The following RRAS2 variants were observed in gnomAD, a reference collection of about 807,000 sequenced individuals.
RRAS2 encodes the protein ras-related protein R-Ras2.
A neutral mutation model predicts 27.6 loss-of-function variants in RRAS2; 7 were observed. That is an observed-to-expected ratio of 0.25 (90% CI 0.14 to 0.48). The LOEUF is 0.48. Ranked by LOEUF, RRAS2 falls within the 20% of genes least tolerant of loss-of-function variation. RRAS2 has a pLI of 0.99. For missense variants in RRAS2, 178 were observed against 256.2 expected, an observed-to-expected ratio of 0.69 and a Z score of 2.08; for synonymous variants, 86 against 90.9, an observed-to-expected ratio of 0.95 and a Z score of 0.31.
At chr11:14,330,663 T>G (rs903663088) in intron 1 of RRAS2, among the ~76,000 whole-genome samples, 1 of 149,954 alleles carries the variant, frequency 6.7e-6, no homozygotes, top group Non-Finnish European at 1.5e-5. Context: ...TAAAAAAAAT[T>G]TTTTTTTCAG....
At chr11:14,283,652 A>G (rs1564952837) in intron 4 of RRAS2, among the ~76,000 whole-genome samples, 1 of 152,124 alleles carries the variant, frequency 6.6e-6, no homozygotes, top group African/African-American at 2.4e-5. Flanking sequence ...GTGCCTTTCA[A>G]GTAATATGTC....
At chr11:14,336,722 C>G (rs1267662895) in intron 1 of RRAS2, among the ~76,000 whole-genome samples, 1 of 152,100 alleles carries the variant, frequency 6.6e-6, no homozygotes, top group African/African-American at 2.4e-5. Flanking sequence ...AAGCAATGAA[C>G]AGAGCCTCAA....
At chr11:14,294,392 T>C (rs1847492257) in intron 4 of RRAS2, 79 bp downstream of exon 4, 4 of 996,496 alleles carry the variant, frequency 4.0e-6, no homozygotes, top group South Asian at 1.8e-5. Flanking sequence ...TACTAGACTT[T>C]CAATTATTTC....
intron 1 of RRAS2, among the ~76,000 whole-genome samples, chr11:14,350,009 T>C (rs1554954546): frequency 6.6e-6 from 1 of 152,212 alleles, no homozygotes; most frequent in African/African-American, 2.4e-5. Context: ...CCATTCCCTC[T>C]ATCCTTTCCA....
chr11:14,303,065 CA>C (rs1297534219), intron 1 of RRAS2, among the ~76,000 whole-genome samples: 7 of 152,138 alleles, frequency 4.6e-5, no homozygotes, highest in Admixed American at 4.6e-4. Flanking sequence ...TGATAAAGCC[CA>C]AATCACATCT....
At chr11:14,343,670 A>G (rs1402598833) in intron 1 of RRAS2, among the ~76,000 whole-genome samples, 9 of 151,368 alleles carry the variant, frequency 5.9e-5, no homozygotes, top group Non-Finnish European at 1.2e-4. Flanking sequence ...GTCTCTACCA[A>G]AAAAAATACA....
intron 1 of RRAS2, among the ~76,000 whole-genome samples, chr11:14,345,364 T>C (rs12280417): frequency 0.011 from 1,681 of 152,282 alleles, 32 homozygotes; most frequent in African/African-American, 0.037. Flanking sequence ...GTATTCCTAG[T>C]CTACGATTCT....
intron 1 of RRAS2, among the ~76,000 whole-genome samples, chr11:14,332,623 T>C (rs527560591): frequency 6.8e-4 from 104 of 152,178 alleles, no homozygotes; most frequent in Non-Finnish European, 1.3e-3. Flanking sequence ...ATACTGTATA[T>C]TTCTATTATA....
chr11:14,345,579 T>C (rs1323977887), intron 1 of RRAS2, among the ~76,000 whole-genome samples: 1 of 152,216 alleles, frequency 6.6e-6, no homozygotes, highest in African/African-American at 2.4e-5. Flanking sequence ...GGGATCGTTT[T>C]CTAATCCATA....
intron 1 of RRAS2, among the ~76,000 whole-genome samples, chr11:14,325,599 T>C (rs959496925): frequency 4.0e-4 from 61 of 152,294 alleles, no homozygotes; most frequent in African/African-American, 1.4e-3. Context: ...GTGCCCGGCT[T>C]CCTTTCAATA....
chr11:14,340,921 T>C (rs1323850682), intron 1 of RRAS2, among the ~76,000 whole-genome samples: 1 of 152,230 alleles, frequency 6.6e-6, no homozygotes, highest in African/African-American at 2.4e-5. Flanking sequence ...TACTTTCACA[T>C]TCTTGTTCCA....
intron 1 of RRAS2, among the ~76,000 whole-genome samples, chr11:14,299,831 C>T (rs1847650210): frequency 6.6e-6 from 1 of 152,122 alleles, no homozygotes; most frequent in South Asian, 2.1e-4. Flanking sequence ...AAAAAACAAA[C>T]AGCATGAAGT....
chr11:14,287,956 G>T (rs895873934), intron 4 of RRAS2, among the ~76,000 whole-genome samples: 5 of 152,072 alleles, frequency 3.3e-5, no homozygotes, highest in African/African-American at 1.2e-4. Context: ...CTGCTGCTAG[G>T]GTTATGTGCT....
At chr11:14,327,256 G>C (rs1350517303) in intron 1 of RRAS2, among the ~76,000 whole-genome samples, 2 of 152,122 alleles carry the variant, frequency 1.3e-5, no homozygotes, top group African/African-American at 4.8e-5. Flanking sequence ...AAATACCACT[G>C]AGTGTACTCA....
At chr11:14,301,340 C>T (rs1847698089) in intron 1 of RRAS2, among the ~76,000 whole-genome samples, 1 of 152,178 alleles carries the variant, frequency 6.6e-6, no homozygotes, top group Non-Finnish European at 1.5e-5. Context: ...GCTTTCACCT[C>T]ATTCTACTCA....
rs564344180 is a variant in RRAS2 at position 14,328,409 on chromosome 11, C to T, written c.108+30354G>A. On this transcript the variant is annotated intron_variant, in intron 1 of 5. Coordinates refer to ENST00000256196, the MANE Select transcript of RRAS2 (RefSeq NM_012250.6). ...AAAAGAGTGAGAAAAAATAATGTAG[C>T]AAATTTAGTCAAGCCAGGAAGACAC... 1.9e-3 allele frequency among the ~76,000 whole-genome samples: 274 copies of T among 143,550 alleles called. 1 individual carries two copies. Among genetic ancestry groups the T allele is most frequent in the Non-Finnish European group, 2.7e-3 (180 of 65,624 alleles). 94.2% of individuals were successfully genotyped at this position (143,550 alleles called of 152,430 possible).
At chr11:14,307,348 G>A (rs1212539946) in intron 1 of RRAS2, among the ~76,000 whole-genome samples, 1 of 152,104 alleles carries the variant, frequency 6.6e-6, no homozygotes, top group African/African-American at 2.4e-5. Context: ...TGTACGGGGG[G>A]AAATGTGATG....
intron 1 of RRAS2, among the ~76,000 whole-genome samples, chr11:14,342,255 T>C (rs1313533104): frequency 6.6e-6 from 1 of 152,184 alleles, no homozygotes; most frequent in Non-Finnish European, 1.5e-5. Context: ...TTAACGTTAA[T>C]AGTTCTGTAG....
chr11:14,311,659 G>A lies in RRAS2; in HGVS notation c.109-15804C>T, dbSNP rs1236357827. On this transcript the variant is annotated intron_variant, in intron 1 of 5. Transcript: ENST00000256196. The stretch of plus-strand genomic sequence containing the variant: ...TGGGATTACAGGCACGAGCCACTGC[G>A]CCTGGCAACATAAAAGTACTTTAAA... Among the ~76,000 whole-genome samples, 3 of 152,102 alleles carry A rather than the reference G, an allele frequency of 2.0e-5. No homozygotes were observed. The East Asian group carries it at 5.8e-4, about 29-fold the overall frequency.
Sources: gnomAD v4.1 joint callset for allele counts (sites outside exome capture counted in the v4.1 genomes callset) on GRCh38, gnomAD v4.1.1 for gene constraint, MANE v1.5 for transcripts, NCBI Gene and HGNC (gene_info 2026-07-23, HGNC 2026-07-21) for gene names.